Variants in FBXW11 observed in about 807,000 individuals in gnomAD.
FBXW11 encodes F-box and WD repeat domain containing 11, also known as F-box/WD repeat-containing protein 11.
In FBXW11, 19 loss-of-function variants were observed where a neutral mutation model predicts 77.6. The ratio of observed to expected loss-of-function variants is 0.24; its 90% CI spans 0.17 to 0.36. The LOEUF (loss-of-function observed/expected upper bound fraction) is 0.36. Ranked by LOEUF, FBXW11 falls within the 10% of genes least tolerant of loss-of-function variation. The pLI is 1.00. For synonymous variants in FBXW11, 235 were observed against 249.4 expected, an observed-to-expected ratio of 0.94 and a Z score of 0.54; for missense variants, 334 against 704.2, an observed-to-expected ratio of 0.47 and a Z score of 5.95.
intron 7 of FBXW11, among the ~76,000 whole-genome samples, chr5:171,879,178 T>C (rs1758339787): frequency 6.6e-6 from 1 of 152,256 alleles, no homozygotes; most frequent in Non-Finnish European, 1.5e-5. Context: ...TTGTCTTTTC[T>C]AGAATGTCAC....
intron 7 of FBXW11, among the ~76,000 whole-genome samples, chr5:171,886,339 G>A (rs1458892361): frequency 1.3e-5 from 2 of 149,774 alleles, no homozygotes; most frequent in African/African-American, 4.9e-5. Flanking sequence ...ACCAAACACC[G>A]CATGTTCTCA....
At position 171,903,368 on chromosome 5, in the gene FBXW11, G is replaced by A. The variant is rs138435080; in HGVS notation, c.437-3268C>T. On this transcript the variant is annotated intron_variant, in intron 4 of 13. Transcript: ENST00000517395. ...CCTGCCTTGGTCTTGAAAGTGCTGG[G>A]ATTACAGGCGTGAGCCACTGCGCCT... Among the ~76,000 whole-genome samples the A allele has an allele frequency of 2.2e-3, 339 of 152,228 alleles. 2 individuals are homozygous for A. Among genetic ancestry groups the A allele is most frequent in the African/African-American group, 8.1e-3 (337 of 41,524 alleles).
At chr5:171,879,477 G>C (rs1189781556) in intron 7 of FBXW11, among the ~76,000 whole-genome samples, 1 of 152,198 alleles carries the variant, frequency 6.6e-6, no homozygotes, top group Non-Finnish European at 1.5e-5. Flanking sequence ...ATACTAAGTG[G>C]TATATATGGT....
chr5:171,958,649 T>C (rs1230370450), intron 1 of FBXW11, among the ~76,000 whole-genome samples: 3 of 152,354 alleles, frequency 2.0e-5, no homozygotes, highest in African/African-American at 4.8e-5. Context: ...AAGTAAAATA[T>C]AAAATGAACA....
intron 4 of FBXW11, 120 bp from the exon 5 acceptor site, chr5:171,900,220 T>C (rs1450345451): frequency 2.5e-6 from 2 of 805,514 alleles, no homozygotes; most frequent in East Asian, 5.2e-5. Flanking sequence ...TTTAGTCATA[T>C]CAAAAGTTCT....
chr5:171,925,546 T>A (rs1032224660), intron 2 of FBXW11, among the ~76,000 whole-genome samples: 1 of 152,228 alleles, frequency 6.6e-6, no homozygotes, highest in Non-Finnish European at 1.5e-5. Flanking sequence ...AGTGGCATGA[T>A]CATGGTTCAC....
intron 1 of FBXW11, among the ~76,000 whole-genome samples, chr5:172,002,466 A>G (rs1325619249): frequency 1.3e-5 from 2 of 148,284 alleles, no homozygotes; most frequent in African/African-American, 5.2e-5. Context: ...TTTGGACCCT[A>G]TTGAAACCTG....
chr5:171,926,249 G>A (rs993663135), intron 2 of FBXW11, among the ~76,000 whole-genome samples: 13 of 152,300 alleles, frequency 8.5e-5, no homozygotes, highest in African/African-American at 2.4e-4. Context: ...AGGTCCAGCA[G>A]TGCTGTATTC....
chr5:171,999,307 TG>T (rs903188942), intron 1 of FBXW11, among the ~76,000 whole-genome samples: 7 of 152,198 alleles, frequency 4.6e-5, no homozygotes, highest in Non-Finnish European at 7.4e-5. Context: ...CACAGCAATT[TG>T]ACTAACAGAC....
At chr5:171,970,020 T>G (rs1185717469) in intron 1 of FBXW11, among the ~76,000 whole-genome samples, 1 of 152,198 alleles carries the variant, frequency 6.6e-6, no homozygotes, top group African/African-American at 2.4e-5. Flanking sequence ...AGTGGTATTT[T>G]TAACATCTTT....
At chr5:171,964,994 A>T (rs1205262322) in intron 1 of FBXW11, among the ~76,000 whole-genome samples, 2 of 152,138 alleles carry the variant, frequency 1.3e-5, no homozygotes, top group African/African-American at 4.8e-5. Context: ...AGGCTGGGAT[A>T]TATGTTAAGG....
intron 4 of FBXW11, among the ~76,000 whole-genome samples, chr5:171,909,039 C>T (rs1760713309): frequency 6.6e-6 from 1 of 152,200 alleles, no homozygotes; most frequent in Admixed American, 6.5e-5. Flanking sequence ...CAGAGGAAAA[C>T]ATTCTGGCCA....
chr5:171,986,749 C>G (rs1381131170), intron 1 of FBXW11, among the ~76,000 whole-genome samples: 1 of 151,688 alleles, frequency 6.6e-6, no homozygotes, highest in Non-Finnish European at 1.5e-5. Context: ...AAAAAAAAAT[C>G]CGTGTGGACC....
intron 2 of FBXW11, among the ~76,000 whole-genome samples, chr5:171,940,748 C>T (rs1186043883): frequency 2.0e-5 from 3 of 151,958 alleles, no homozygotes; most frequent in Admixed American, 6.6e-5. Context: ...ATTAGCCAGG[C>T]GTGGTAGCAC....
chr5:171,940,649 G>C (rs145091882), intron 2 of FBXW11, among the ~76,000 whole-genome samples: 3,291 of 152,272 alleles, frequency 0.022, 121 homozygotes, highest in African/African-American at 0.074. Flanking sequence ...CGGCACTTTG[G>C]GAGGCCAAGG....
chr5:171,915,741 A>G (rs1474504012), intron 2 of FBXW11, among the ~76,000 whole-genome samples: 2 of 152,082 alleles, frequency 1.3e-5, no homozygotes, highest in African/African-American at 4.8e-5. Context: ...TGCTTAGTGC[A>G]TAATGGGTAT....
At chr5:172,006,124 T>C (rs963951069) in intron 1 of FBXW11, among the ~76,000 whole-genome samples, 1 of 152,130 alleles carries the variant, frequency 6.6e-6, no homozygotes, top group Non-Finnish European at 1.5e-5. Flanking sequence ...AAAAAATCCC[T>C]TTCTAAAAGA....
chr5:171,879,033 T>C lies in FBXW11; in HGVS notation c.853-904A>G, dbSNP rs781548143. Among the ~76,000 whole-genome samples the C allele has an allele frequency of 2.0e-4, 30 of 152,136 alleles. 1 individual carries two copies. The highest frequency in any genetic ancestry group is 4.4e-4 in the Non-Finnish European group (30 of 68,032). ...AGCATTTTAAAAATCAGAACAAAAATTATCTGTAAAGTGACACAATGACTA... is the reference window on the plus strand; with the variant it reads ...AGCATTTTAAAAATCAGAACAAAAACTATCTGTAAAGTGACACAATGACTA... On this transcript the variant is annotated intron_variant, in intron 7 of 13. Transcript: ENST00000517395.
chr5:171,965,783 G>A (rs1356401807), intron 1 of FBXW11, among the ~76,000 whole-genome samples: 1 of 151,504 alleles, frequency 6.6e-6, no homozygotes, highest in Admixed American at 6.6e-5. Flanking sequence ...TTTTAATGGG[G>A]CAGTTCACAA....
Sources: allele counts gnomAD v4.1 joint callset (sites outside exome capture counted in the v4.1 genomes callset), GRCh38; gene constraint gnomAD v4.1.1; transcripts MANE v1.5; gene names NCBI Gene and HGNC (gene_info 2026-07-23, HGNC 2026-07-21).